SUPT3H: variants seen among roughly 807,000 people sequenced by gnomAD.
SUPT3H encodes the protein transcription initiation protein SPT3 homolog.
A neutral mutation model predicts 44.3 loss-of-function variants in SUPT3H; 44 were observed. That is an observed-to-expected ratio of 0.99 (90% CI 0.78 to 1.28). The LOEUF (loss-of-function observed/expected upper bound fraction) is 1.28. Among genes scored for constraint, SUPT3H ranks in the 50% most tolerant of loss-of-function variants. The pLI is 0.00. For missense variants in SUPT3H, 380 were observed against 387.1 expected, an observed-to-expected ratio of 0.98 and a Z score of 0.15; for synonymous variants, 124 against 125.6, an observed-to-expected ratio of 0.99 and a Z score of 0.09.
chr6:45,126,493 T>C (rs866338130), intron 2 of SUPT3H, among the ~76,000 whole-genome samples: 2 of 152,030 alleles, frequency 1.3e-5, no homozygotes, highest in Admixed American at 6.5e-5. Context: ...ATTAAAACGG[T>C]CAATTTTTTT....
At chr6:45,249,407 T>A (rs1410348040) in intron 2 of SUPT3H, among the ~76,000 whole-genome samples, 1 of 152,042 alleles carries the variant, frequency 6.6e-6, no homozygotes, top group Non-Finnish European at 1.5e-5. Context: ...TACTAGTCTT[T>A]TTATTTTAGT....
At chr6:45,352,147 C>T (rs1358504841) in intron 2 of SUPT3H, among the ~76,000 whole-genome samples, 1 of 152,124 alleles carries the variant, frequency 6.6e-6, no homozygotes, top group Non-Finnish European at 1.5e-5. Flanking sequence ...TACTGAACTA[C>T]AGCAATCTAA....
At chr6:45,372,968 G>A (rs577740901) in intron 1 of SUPT3H, among the ~76,000 whole-genome samples, 1 of 151,930 alleles carries the variant, frequency 6.6e-6, no homozygotes, top group Non-Finnish European at 1.5e-5. Context: ...GCCAAGACAC[G>A]CGGCTAATTT....
chr6:44,944,438 A>C (rs887125370), intron 9 of SUPT3H, among the ~76,000 whole-genome samples: 2 of 152,076 alleles, frequency 1.3e-5, no homozygotes, highest in African/African-American at 4.8e-5. Flanking sequence ...AATACATCAA[A>C]TATCACAGAA....
intron 2 of SUPT3H, among the ~76,000 whole-genome samples, chr6:45,212,598 C>A (rs931630807): frequency 2.9e-4 from 43 of 146,300 alleles, no homozygotes; most frequent in Non-Finnish European, 5.1e-4. Context: ...TCTTGATTTT[C>A]TTCCTTATTT....
At chr6:44,931,791 T>G (rs577165654) in intron 10 of SUPT3H, among the ~76,000 whole-genome samples, 1 of 152,180 alleles carries the variant, frequency 6.6e-6, no homozygotes, top group East Asian at 1.9e-4. Flanking sequence ...AAAGATAATA[T>G]AGACAAAATC....
chr6:45,150,338 A>T (rs1471502357), intron 2 of SUPT3H, among the ~76,000 whole-genome samples: 1 of 152,174 alleles, frequency 6.6e-6, no homozygotes, highest in Non-Finnish European at 1.5e-5. Flanking sequence ...CTTAACTGAC[A>T]TCAGTCAAAC....
intron 2 of SUPT3H, among the ~76,000 whole-genome samples, chr6:45,168,996 T>C (rs971474074): frequency 3.9e-5 from 6 of 152,188 alleles, no homozygotes; most frequent in African/African-American, 1.4e-4. Context: ...CTGTTGAACT[T>C]TGAATGAATG....
At chr6:45,101,186 G>A (rs9369534) in intron 3 of SUPT3H, among the ~76,000 whole-genome samples, 89,190 of 152,068 alleles carry the variant, frequency 0.59, 26,992 homozygotes, top group African/African-American at 0.74. Context: ...AGCACTTTGG[G>A]AGGCCAAGGC....
chr6:45,298,128 T>C (rs1317004615), intron 2 of SUPT3H, among the ~76,000 whole-genome samples: 1 of 152,194 alleles, frequency 6.6e-6, no homozygotes. Flanking sequence ...AGAAGTTTTA[T>C]GAAGAGTTAG....
intron 10 of SUPT3H, among the ~76,000 whole-genome samples, chr6:44,916,761 C>T (rs183325054): frequency 6.6e-6 from 1 of 152,214 alleles, no homozygotes; most frequent in East Asian, 1.9e-4. Context: ...TTTTTAAATA[C>T]TGCATTTCTT....
chr6:44,909,191 A>G (rs1480539070), intron 10 of SUPT3H, among the ~76,000 whole-genome samples: 1 of 148,160 alleles, frequency 6.7e-6, no homozygotes, highest in East Asian at 2.0e-4. Context: ...ATATTTTGGG[A>G]ATTTTTTCTA....
chr6:45,179,839 T>A (rs1332353885), intron 2 of SUPT3H, among the ~76,000 whole-genome samples: 2 of 152,198 alleles, frequency 1.3e-5, no homozygotes, highest in Admixed American at 6.5e-5. Context: ...TCACCACTCC[T>A]ATTCAACATA....
intron 6 of SUPT3H, among the ~76,000 whole-genome samples, chr6:44,983,523 A>G (rs1259785618): frequency 2.0e-5 from 3 of 152,154 alleles, no homozygotes; most frequent in Non-Finnish European, 4.4e-5. Context: ...ATCCCCTACC[A>G]TGTCCCTATT....
chr6:44,890,776 A>AT (rs1561976670), intron 10 of SUPT3H, among the ~76,000 whole-genome samples: 2 of 141,950 alleles, frequency 1.4e-5, no homozygotes, highest in Non-Finnish European at 3.1e-5. Context: ...ATAATAAAAA[A>AT]AAAAGAAAAT....
In SUPT3H at chr6:45,007,993, G is replaced by A. The variant is rs562472817; in HGVS notation, c.365-4201C>T. Among the ~76,000 whole-genome samples, 8 of 152,130 alleles carry A rather than the reference G, an allele frequency of 5.3e-5. No individual in the cohort carries two copies. The South Asian group carries it at 1.7e-3, about 32-fold the overall frequency. ...CTTAATATTTTCAAGGTTCATCCAT[G>A]TTTTAGCATATATCAGTATTTAATT... On this transcript the variant is annotated intron_variant, in intron 5 of 10. Transcript: ENST00000371459.
chr6:45,102,271 A>C (rs1289892473), intron 3 of SUPT3H, among the ~76,000 whole-genome samples: 1 of 152,154 alleles, frequency 6.6e-6, no homozygotes, highest in Non-Finnish European at 1.5e-5. Flanking sequence ...TCAAGCATTC[A>C]AACATACAAG....
chr6:44,908,010 C>A (rs2153451596), intron 10 of SUPT3H, among the ~76,000 whole-genome samples: 1 of 152,198 alleles, frequency 6.6e-6, no homozygotes, highest in East Asian at 1.9e-4. Flanking sequence ...GAAAGAGTAG[C>A]AAGAAATAAC....
chr6:45,043,163 ACACACACG>A (rs1473956509), intron 3 of SUPT3H, among the ~76,000 whole-genome samples: 90 of 151,728 alleles, frequency 5.9e-4, no homozygotes, highest in Non-Finnish European at 1.5e-4. Flanking sequence ...ACACACACAC[ACACACACG>A]CACACACACA....
Sources: gnomAD v4.1 joint callset for allele counts (sites outside exome capture counted in the v4.1 genomes callset) on GRCh38, gnomAD v4.1.1 for gene constraint, MANE v1.5 for transcripts, NCBI Gene and HGNC (gene_info 2026-07-23, HGNC 2026-07-21) for gene names.